Variants in PCDH15 observed in about 807,000 individuals in gnomAD.
The protein encoded by PCDH15 is protocadherin-15.
PCDH15 carries 129 observed loss-of-function variants against 178.5 expected under a neutral mutation model. That is an observed-to-expected ratio of 0.72 (90% CI 0.63 to 0.84). PCDH15 has a LOEUF of 0.84. Ranked by LOEUF, PCDH15 falls within the 40% of genes least tolerant of loss-of-function variation. The pLI is 0.00. For missense variants in PCDH15, 2,230 were observed against 2,099.9 expected (o/e 1.06, Z -1.21); for synonymous variants, 800 against 732.0 (o/e 1.09, Z -1.50).
chr10:55,093,919 T>G (rs572459219), intron 2 of PCDH15, among the ~76,000 whole-genome samples: 13 of 152,006 alleles, frequency 8.6e-5, no homozygotes, highest in Non-Finnish European at 1.5e-4. Flanking sequence ...TGTGGAGAAA[T>G]AGGAACACTT....
intron 26 of PCDH15, among the ~76,000 whole-genome samples, chr10:53,874,910 A>T (rs576802778): frequency 0.013 from 1,940 of 152,194 alleles, 55 homozygotes; most frequent in East Asian, 0.12. Context: ...AAATAAAAAA[A>T]AATTAGAATT....
chr10:54,543,690 G>GA (rs956459389), intron 2 of PCDH15, among the ~76,000 whole-genome samples: 6 of 151,816 alleles, frequency 4.0e-5, no homozygotes, highest in Admixed American at 1.3e-4. Context: ...CTAGCCAGGG[G>GA]AAAAAAAATC....
At chr10:55,408,500 AT>A (rs1838257656) in intron 2 of PCDH15, among the ~76,000 whole-genome samples, 1 of 152,250 alleles carries the variant, frequency 6.6e-6, no homozygotes, top group South Asian at 2.1e-4. Context: ...TTGATTCTAA[AT>A]TTGGTAAAGA....
At chr10:54,977,743 AAGATC>A (rs751194264) in intron 2 of PCDH15, among the ~76,000 whole-genome samples, 2 of 152,172 alleles carry the variant, frequency 1.3e-5, no homozygotes, top group Non-Finnish European at 2.9e-5. Flanking sequence ...TTTCTTGTGC[AAGATC>A]CAATAACCCT....
intron 21 of PCDH15, among the ~76,000 whole-genome samples, chr10:53,990,017 CG>C (rs2091357599): frequency 6.6e-6 from 1 of 152,122 alleles, no homozygotes; most frequent in African/African-American, 2.4e-5. Context: ...TAGCACCCTC[CG>C]CTAATAGATT....
At chr10:54,405,564 A>G (rs999059597) in intron 3 of PCDH15, among the ~76,000 whole-genome samples, 11 of 151,626 alleles carry the variant, frequency 7.3e-5, no homozygotes, top group African/African-American at 2.7e-4. Flanking sequence ...GGTGAGGATC[A>G]GGAAGAATAA....
chr10:55,041,293 G>A (rs1840858526), intron 2 of PCDH15, among the ~76,000 whole-genome samples: 2 of 152,044 alleles, frequency 1.3e-5, no homozygotes, highest in South Asian at 4.1e-4. Flanking sequence ...TACTTATCAA[G>A]AGCAGTGAGA....
chr10:55,504,455 T>G (rs1840720298), intron 2 of PCDH15, among the ~76,000 whole-genome samples: 1 of 151,420 alleles, frequency 6.6e-6, no homozygotes, highest in Admixed American at 6.6e-5. Flanking sequence ...CATTTAAAAT[T>G]TGGTAAAGTG....
chr10:54,676,308 G>A (rs2094789559), intron 1 of PCDH15, among the ~76,000 whole-genome samples: 1 of 151,976 alleles, frequency 6.6e-6, no homozygotes, highest in Admixed American at 6.6e-5. Context: ...TTTTATTTCT[G>A]TGACCCAATT....
At chr10:54,176,135 T>C (rs1021276902) in intron 13 of PCDH15, among the ~76,000 whole-genome samples, 12 of 152,140 alleles carry the variant, frequency 7.9e-5, no homozygotes, top group African/African-American at 2.9e-4. Flanking sequence ...TCTAAACTCA[T>C]TGAGGGTACA....
At chr10:53,880,641 T>C (rs1311276857) in intron 26 of PCDH15, among the ~76,000 whole-genome samples, 1 of 152,002 alleles carries the variant, frequency 6.6e-6, no homozygotes, top group African/African-American at 2.4e-5. Context: ...AGTAAAAGAG[T>C]ATGTCGAGGC....
chr10:55,210,922 G>A (rs1226230819), intron 1 of PCDH15, among the ~76,000 whole-genome samples: 1 of 151,762 alleles, frequency 6.6e-6, no homozygotes, highest in Non-Finnish European at 1.5e-5. Flanking sequence ...CACCGTGTCC[G>A]GTCTGATGAT....
At chr10:55,127,562 C>T (rs185181435) in intron 2 of PCDH15, among the ~76,000 whole-genome samples, 1 of 152,196 alleles carries the variant, frequency 6.6e-6, no homozygotes, top group Non-Finnish European at 1.5e-5. Context: ...ATGTAGGACC[C>T]ATTGAAAAGA....
intron 1 of PCDH15, among the ~76,000 whole-genome samples, chr10:54,709,993 A>T (rs1385134265): frequency 6.7e-6 from 1 of 150,188 alleles, no homozygotes; most frequent in Admixed American, 6.7e-5. Context: ...TATGTACTAG[A>T]CATGTAATAA....
At chr10:54,365,881 T>A (rs755598390) in intron 5 of PCDH15, among the ~76,000 whole-genome samples, 2 of 151,436 alleles carry the variant, frequency 1.3e-5, no homozygotes, top group Non-Finnish European at 1.5e-5. Flanking sequence ...TTTTGGTGAA[T>A]TCTTGACAAA....
chr10:54,562,899 C>G (rs1254454435), intron 2 of PCDH15, among the ~76,000 whole-genome samples: 3 of 152,070 alleles, frequency 2.0e-5, no homozygotes, highest in Non-Finnish European at 4.4e-5. Flanking sequence ...TTGAACTTGT[C>G]TACATGAACT....
intron 3 of PCDH15, among the ~76,000 whole-genome samples, chr10:54,453,779 C>G (rs1385252290): frequency 6.6e-6 from 1 of 151,826 alleles, no homozygotes; most frequent in East Asian, 1.9e-4. Context: ...CCAACCAGAA[C>G]CAAGGATTTC....
At chr10:54,970,798 T>G (rs1838912271) in intron 2 of PCDH15, among the ~76,000 whole-genome samples, 1 of 152,202 alleles carries the variant, frequency 6.6e-6, no homozygotes, top group Non-Finnish European at 1.5e-5. Flanking sequence ...CAAAAATTAT[T>G]CACAGGCCTC....
chr10:54,098,333 T>C (rs547084131), intron 15 of PCDH15, among the ~76,000 whole-genome samples: 1 of 151,980 alleles, frequency 6.6e-6, no homozygotes, highest in Non-Finnish European at 1.5e-5. Context: ...AATATTTCAG[T>C]TATCTTTATT....
Sources: gnomAD v4.1 joint callset for allele counts (sites outside exome capture counted in the v4.1 genomes callset) on GRCh38, gnomAD v4.1.1 for gene constraint, MANE v1.5 for transcripts, NCBI Gene and HGNC (gene_info 2026-07-23, HGNC 2026-07-21) for gene names.